The following PHF24 variants were observed in gnomAD, a reference collection of about 807,000 sequenced individuals.
PHF24 encodes Galpha inhibitory interacting protein.
A neutral mutation model predicts 42.6 loss-of-function variants in PHF24; 25 were observed. That is an observed-to-expected ratio of 0.59 (90% CI 0.43 to 0.82). PHF24 has a LOEUF of 0.82. Among genes scored for constraint, PHF24 ranks in the 40% least tolerant of loss-of-function variants. The pLI is 0.00. For missense variants in PHF24, 470 were observed against 538.1 expected, an observed-to-expected ratio of 0.87 and a Z score of 1.25; for synonymous variants, 185 against 204.8, an observed-to-expected ratio of 0.90 and a Z score of 0.83.
the PHF24 span, among the ~76,000 whole-genome samples, chr9:34,948,757 G>T: frequency 6.6e-6 from 1 of 152,070 alleles, no homozygotes; most frequent in South Asian, 2.1e-4. Context: ...AGCAACACAC[G>T]ACTGTATTTC....
At chr9:34,772,890 A>G in the PHF24 span, among the ~76,000 whole-genome samples, 1 of 152,206 alleles carries the variant, frequency 6.6e-6, no homozygotes, top group Non-Finnish European at 1.5e-5. Flanking sequence ...GTGTATATAT[A>G]CCGGTTAGTA....
chr9:34,806,159 CTTACT>C, the PHF24 span, among the ~76,000 whole-genome samples: 1 of 151,934 alleles, frequency 6.6e-6, no homozygotes, highest in Admixed American at 6.5e-5. Flanking sequence ...TGTGAGTCCT[CTTACT>C]TTATTTTTTT....
chr9:34,795,751 C>T, the PHF24 span, among the ~76,000 whole-genome samples: 2 of 152,106 alleles, frequency 1.3e-5, 1 homozygote, highest in Non-Finnish European at 2.9e-5. Context: ...AATCCCAGCA[C>T]TTTGGGAGTC....
At chr9:34,752,392 G>T in the PHF24 span, among the ~76,000 whole-genome samples, 1 of 152,130 alleles carries the variant, frequency 6.6e-6, no homozygotes, top group Non-Finnish European at 1.5e-5. Flanking sequence ...AAGATCATTA[G>T]AGGCTACTAG....
the PHF24 span, among the ~76,000 whole-genome samples, chr9:34,729,779 G>C: frequency 6.6e-6 from 1 of 152,194 alleles, no homozygotes; most frequent in Admixed American, 6.5e-5. Flanking sequence ...TGAGTGCTTT[G>C]GCACAGGGGT....
the PHF24 span, among the ~76,000 whole-genome samples, chr9:34,749,860 G>A: frequency 6.6e-6 from 1 of 151,980 alleles, no homozygotes; most frequent in South Asian, 2.1e-4. Flanking sequence ...ATGTAATGGA[G>A]CTCCAATATG....
the PHF24 span, among the ~76,000 whole-genome samples, chr9:34,888,630 C>G: frequency 6.6e-6 from 1 of 152,176 alleles, no homozygotes; most frequent in African/African-American, 2.4e-5. Flanking sequence ...TAGCTGTGTG[C>G]TTTTGATAAA....
At chr9:34,968,656 C>T (rs1250107267) in intron 1 of PHF24, among the ~76,000 whole-genome samples, 2 of 152,056 alleles carry the variant, frequency 1.3e-5, no homozygotes, top group East Asian at 1.9e-4. Flanking sequence ...GCAGTGTTTC[C>T]GAAAAGAAGA....
At chr9:34,701,691 C>T in the PHF24 span, among the ~76,000 whole-genome samples, 1 of 151,988 alleles carries the variant, frequency 6.6e-6, no homozygotes, top group Non-Finnish European at 1.5e-5. The surrounding 1 kb of genome is among the most constrained non-coding windows in gnomAD (Gnocchi z 5.8). Flanking sequence ...GTGGTGCCCG[C>T]GCATCCGATG....
chr9:34,797,262 A>G, the PHF24 span, among the ~76,000 whole-genome samples: 1 of 152,220 alleles, frequency 6.6e-6, no homozygotes, highest in Non-Finnish European at 1.5e-5. Flanking sequence ...GTGGGTATGT[A>G]TTACAGAGTG....
the PHF24 span, among the ~76,000 whole-genome samples, chr9:34,937,024 G>T: frequency 7.0e-6 from 1 of 142,572 alleles, no homozygotes; most frequent in Non-Finnish European, 1.5e-5. Context: ...GGAGGGAGGT[G>T]GGGGGGTCAG....
At chr9:34,728,629 G>A in the PHF24 span, 12 of 1,551,162 alleles carry the variant, frequency 7.7e-6, no homozygotes, top group Non-Finnish European at 1.0e-5. Flanking sequence ...TGCATCTCTA[G>A]CTCTTTGCCT....
the PHF24 span, among the ~76,000 whole-genome samples, chr9:34,932,620 T>A: frequency 6.6e-6 from 1 of 152,224 alleles, no homozygotes. Flanking sequence ...AAATTAGTAA[T>A]GAAATTATGG....
At chr9:34,708,892 G>C in the PHF24 span, 74 of 161,832 alleles carry the variant, frequency 4.6e-4, 2 homozygotes, top group South Asian at 0.014. Context: ...GGAAACTCTT[G>C]GGGTAGATGA....
chr9:34,694,232 C>G, the PHF24 span, among the ~76,000 whole-genome samples: 4 of 140,064 alleles, frequency 2.9e-5, no homozygotes, highest in Admixed American at 1.5e-4. Flanking sequence ...TGCAGTGGCA[C>G]AGTCTCAGCT....
the PHF24 span, among the ~76,000 whole-genome samples, chr9:34,677,459 C>T: frequency 9.8e-5 from 14 of 142,932 alleles, no homozygotes; most frequent in Admixed American, 1.5e-4. Context: ...TGCAGTGGCA[C>T]GATCTTGGCT....
chr9:34,815,131 C>T, the PHF24 span, among the ~76,000 whole-genome samples: 2 of 152,212 alleles, frequency 1.3e-5, no homozygotes, highest in East Asian at 1.9e-4. Flanking sequence ...ACTGGAGCAA[C>T]ATCTCTTTTA....
At chr9:34,967,274 T>G (rs75162922) in intron 1 of PHF24, among the ~76,000 whole-genome samples, 3,545 of 152,256 alleles carry the variant, frequency 0.023, 139 homozygotes, top group African/African-American at 0.081. Flanking sequence ...AATTGCAGAT[T>G]TAAATCCATT....
upstream of PHF24, among the ~76,000 whole-genome samples, chr9:34,958,030 C>T (rs1396056886): frequency 6.6e-6 from 1 of 150,692 alleles, no homozygotes; most frequent in Non-Finnish European, 1.5e-5. The surrounding 1 kb of genome is among the most constrained non-coding windows in gnomAD (Gnocchi z 4.5). Flanking sequence ...CGTCCGCCGT[C>T]CTCCCGCATT....
Sources: allele counts gnomAD v4.1 joint callset (sites outside exome capture counted in the v4.1 genomes callset), GRCh38; gene constraint gnomAD v4.1.1; non-coding constraint Gnocchi (gnomAD v3.1); transcripts MANE v1.5; gene names NCBI Gene and HGNC (gene_info 2026-07-23, HGNC 2026-07-21).